RMDN2: variants seen among roughly 807,000 people sequenced by gnomAD.
RMDN2 encodes regulator of microtubule dynamics protein 2.
RMDN2 carries 61 observed loss-of-function variants against 52.8 expected under a neutral mutation model. That is an observed-to-expected ratio of 1.16 (90% CI 0.94 to 1.43). The LOEUF (loss-of-function observed/expected upper bound fraction) is 1.43, where lower values mean the gene tolerates loss of function less well. RMDN2 is among the 40% of genes most tolerant of loss of function. The pLI, the probability that RMDN2 is intolerant of heterozygous loss-of-function variation, is 0.00. For synonymous variants in RMDN2, 180 were observed against 153.1 expected, an observed-to-expected ratio of 1.18 and a Z score of -1.30; for missense variants, 592 against 475.3, an observed-to-expected ratio of 1.25 and a Z score of -2.28.
chr2:37,953,641 C>G (rs1669111766), intron 2 of RMDN2, among the ~76,000 whole-genome samples: 1 of 152,050 alleles, frequency 6.6e-6, no homozygotes, highest in African/African-American at 2.4e-5. Context: ...GAATAATGCA[C>G]TGTCTATGAA....
chr2:37,951,829 C>A (rs777509798), intron 2 of RMDN2: 3 of 1,613,526 alleles, frequency 1.9e-6, no homozygotes, highest in East Asian at 2.2e-5. Flanking sequence ...ACTATTGATA[C>A]AGCCTCCTAT....
At chr2:37,926,009 G>A (rs897766509) in intron 1 of RMDN2, among the ~76,000 whole-genome samples, 1 of 152,146 alleles carries the variant, frequency 6.6e-6, no homozygotes, top group African/African-American at 2.4e-5. Flanking sequence ...ATGAACAATA[G>A]AATTCACTTC....
chr2:37,970,655 G>T (rs1397609844), intron 2 of RMDN2, among the ~76,000 whole-genome samples: 1 of 152,106 alleles, frequency 6.6e-6, no homozygotes, highest in Non-Finnish European at 1.5e-5. Flanking sequence ...TTCTATGTGT[G>T]CATGGGAGAG....
At chr2:38,007,133 C>A (rs974599360) in intron 10 of RMDN2, among the ~76,000 whole-genome samples, 2 of 152,074 alleles carry the variant, frequency 1.3e-5, no homozygotes, top group African/African-American at 4.8e-5. Context: ...ATTTTTGCAT[C>A]GATGTTCATC....
intron 10 of RMDN2, among the ~76,000 whole-genome samples, chr2:38,012,283 C>A (rs1050812567): frequency 3.9e-5 from 6 of 152,172 alleles, no homozygotes. Context: ...GCAAGAAAGC[C>A]CCTATACTTT....
chr2:37,943,585 G>A (rs1462702416), intron 2 of RMDN2, among the ~76,000 whole-genome samples: 1 of 152,130 alleles, frequency 6.6e-6, no homozygotes, highest in Non-Finnish European at 1.5e-5. Context: ...TTTAAAAAAT[G>A]AATTGTTTTA....
intron 2 of RMDN2, among the ~76,000 whole-genome samples, chr2:37,973,828 G>A (rs933374875): frequency 6.6e-6 from 1 of 152,102 alleles, no homozygotes; most frequent in Admixed American, 6.6e-5. Flanking sequence ...AGAGTAGTAG[G>A]AAATGAGATC....
At chr2:38,038,261 G>A (rs544462766) in intron 10 of RMDN2, among the ~76,000 whole-genome samples, 2 of 152,266 alleles carry the variant, frequency 1.3e-5, no homozygotes, top group African/African-American at 2.4e-5. Flanking sequence ...CGCCCCCCGG[G>A]CGCAAGGGGG....
At chr2:38,048,711 C>A (rs77381037) in intron 10 of RMDN2, among the ~76,000 whole-genome samples, 11,322 of 152,260 alleles carry the variant, frequency 0.074, 564 homozygotes, top group South Asian at 0.17. Context: ...GTGAAATCTG[C>A]TACCTTTGGG....
intron 1 of RMDN2, among the ~76,000 whole-genome samples, chr2:37,928,607 C>T (rs899236974): frequency 6.6e-6 from 1 of 152,160 alleles, no homozygotes; most frequent in Non-Finnish European, 1.5e-5. Flanking sequence ...CTGCATCTAC[C>T]CACCTATTTA....
chr2:38,007,226 A>C (rs1233094443), intron 10 of RMDN2, among the ~76,000 whole-genome samples: 1 of 152,182 alleles, frequency 6.6e-6, no homozygotes, highest in Non-Finnish European at 1.5e-5. Flanking sequence ...TCATAAAATG[A>C]GTTAGGGAGG....
intron 10 of RMDN2, among the ~76,000 whole-genome samples, chr2:38,039,007 A>C (rs1265311724): frequency 6.6e-6 from 1 of 151,442 alleles, no homozygotes; most frequent in Non-Finnish European, 1.5e-5. Flanking sequence ...GTGACAATGA[A>C]AATAATATTT....
At chr2:37,943,973 G>T (rs1254538016) in intron 2 of RMDN2, among the ~76,000 whole-genome samples, 2 of 152,060 alleles carry the variant, frequency 1.3e-5, no homozygotes, top group Non-Finnish European at 2.9e-5. Flanking sequence ...AGTGTATAAG[G>T]TGTCTGCATA....
At chr2:38,015,053 T>C (rs1286209943) in intron 10 of RMDN2, among the ~76,000 whole-genome samples, 2 of 152,218 alleles carry the variant, frequency 1.3e-5, no homozygotes, top group African/African-American at 4.8e-5. Context: ...GCTTGGACAG[T>C]AGAGGGCTCA....
At chr2:38,014,524 C>G (rs1243317178) in intron 10 of RMDN2, among the ~76,000 whole-genome samples, 2 of 152,144 alleles carry the variant, frequency 1.3e-5, no homozygotes, top group African/African-American at 2.4e-5. Flanking sequence ...ACTAGCTGTT[C>G]TTAACCAGTA....
intron 2 of RMDN2, among the ~76,000 whole-genome samples, chr2:37,962,709 T>C (rs887458479): frequency 2.0e-5 from 3 of 152,104 alleles, no homozygotes; most frequent in Non-Finnish European, 4.4e-5. Flanking sequence ...CAGTTCTGTC[T>C]TTCTGGGGTT....
chr2:37,946,666 C>G (rs1284904358), intron 2 of RMDN2, among the ~76,000 whole-genome samples: 1 of 152,006 alleles, frequency 6.6e-6, no homozygotes. Flanking sequence ...GGTGGTTGCC[C>G]CATTTGAGAT....
intron 5 of RMDN2, among the ~76,000 whole-genome samples, chr2:37,989,196 G>A (rs1224837417): frequency 6.6e-6 from 1 of 152,058 alleles, no homozygotes; most frequent in Non-Finnish European, 1.5e-5. Context: ...GACTTTTTCT[G>A]AGAGTTTCTT....
At chr2:37,924,356 C>T (rs1666121672), upstream of RMDN2, among the ~76,000 whole-genome samples, 1 of 152,176 alleles carries the variant, frequency 6.6e-6, no homozygotes, top group African/African-American at 2.4e-5. Context: ...GCGGACAATA[C>T]AGAAGCAGTG....
Sources: allele counts gnomAD v4.1 joint callset (sites outside exome capture counted in the v4.1 genomes callset), GRCh38; gene constraint gnomAD v4.1.1; transcripts MANE v1.5; gene names NCBI Gene and HGNC (gene_info 2026-07-23, HGNC 2026-07-21).